The following POPDC2 variants were observed in gnomAD, a reference collection of about 807,000 sequenced individuals.
The protein encoded by POPDC2 is popeye domain cAMP effector 2.
POPDC2 carries 24 observed loss-of-function variants against 30.5 expected under a neutral mutation model. The ratio of observed to expected loss-of-function variants is 0.79; its 90% CI spans 0.57 to 1.11. The LOEUF is 1.11. Ranked by LOEUF, POPDC2 falls within the 50% of genes least tolerant of loss-of-function variation. The probability of loss-of-function intolerance (pLI) is 0.00; values close to 1 mark genes in which losing one functional copy is unlikely to be tolerated. For synonymous variants in POPDC2, 185 were observed against 183.3 expected (o/e 1.01, Z -0.07); for missense variants, 409 against 447.0 (o/e 0.91, Z 0.77).
At position 119,648,790 on chromosome 3, in the gene POPDC2, T is replaced by C. The variant is rs139403292; in HGVS notation, c.601-122A>G. On this transcript the variant is annotated intron_variant, in intron 2 of 3. Transcript: ENST00000493094. The stretch of plus-strand genomic sequence containing the variant: ...TTTTACTGAAGAAGCTGTGTGGGAG[T>C]ACCCCTCTATGGCCTTGCCTGGAGG... The C allele has an allele frequency of 8.3e-4, 700 of 840,576 alleles. 3 individuals are homozygous for C. In the African/African-American group the frequency reaches 0.011, roughly 13 times the overall value. 52.1% of individuals were successfully genotyped at this position (840,576 alleles called of 1,614,324 possible).
At chr3:119,650,062 A>C (rs146548213) in intron 2 of POPDC2, among the ~76,000 whole-genome samples, 114 of 152,378 alleles carry the variant, frequency 7.5e-4, no homozygotes, top group Non-Finnish European at 1.2e-3. Context: ...ATAGTTCAGC[A>C]AGTAGTTGTC....
At chr3:119,648,970 T>C (rs2052780065) in intron 2 of POPDC2, among the ~76,000 whole-genome samples, 1 of 152,250 alleles carries the variant, frequency 6.6e-6, no homozygotes, top group African/African-American at 2.4e-5. Flanking sequence ...GTTCCGTGGC[T>C]AATGCCACTA....
intron 1 of POPDC2, among the ~76,000 whole-genome samples, chr3:119,658,352 AG>A (rs2052901738): frequency 1.3e-5 from 2 of 152,252 alleles, no homozygotes; most frequent in African/African-American, 4.8e-5. Flanking sequence ...TAAGTATACC[AG>A]GAAAAGCTAC....
In POPDC2 at chr3:119,648,438, A is replaced by G. The variant is rs2052769198; in HGVS notation, c.831T>C (p.Asp277=). 6.2e-7 allele frequency: 1 copy of G among 1,614,052 alleles called. No individual in the cohort carries two copies. Among genetic ancestry groups the G allele is most frequent in the Non-Finnish European group, 8.5e-7 (1 of 1,180,038 alleles). Residue 277 remains aspartate (D), a synonymous_variant, in exon 3 of 4, where the codon GAT becomes GAC. Transcript: ENST00000493094. ...LYHVLGPTAA[D]AGPESEKGDE... ...CACCCTTCTCGGACTCTGGTCCAGC[A>G]TCTGCAGCAGTGGGACCCAGGACAT...
intron 2 of POPDC2, among the ~76,000 whole-genome samples, chr3:119,650,778 C>T (rs2052799072): frequency 6.6e-6 from 1 of 152,242 alleles, no homozygotes; most frequent in African/African-American, 2.4e-5. Flanking sequence ...AAATTTATGT[C>T]TCAGGCCCAG....
intron 1 of POPDC2, among the ~76,000 whole-genome samples, chr3:119,655,306 A>G (rs776942515): frequency 9.2e-5 from 14 of 152,206 alleles, no homozygotes; most frequent in Non-Finnish European, 2.1e-4. Context: ...CAGCCTGGGC[A>G]AAAGAGCAAG....
In POPDC2 at chr3:119,660,482, G is replaced by A; in HGVS notation, c.-59C>T. The A allele has an allele frequency of 6.5e-7, 1 of 1,531,378 alleles. No homozygotes were observed. The highest frequency in any genetic ancestry group is 2.0e-5 in the Admixed American group (1 of 50,544). 94.9% of individuals were successfully genotyped at this position (1,531,378 alleles called of 1,614,324 possible). ...ATACTGTCCTCACATAGGAAATTCA[G>A]AAAATGAATGAATCCATCCGCTCAG... On this transcript the variant is annotated 5_prime_UTR_variant, in exon 1 of 4. Transcript: ENST00000493094.
intron 1 of POPDC2, among the ~76,000 whole-genome samples, chr3:119,656,779 G>A (rs1368211900): frequency 6.6e-6 from 1 of 152,208 alleles, no homozygotes; most frequent in Admixed American, 6.5e-5. Flanking sequence ...AAAGGGGGAA[G>A]ATGAAAAAGA....
Position 119,648,058 on chromosome 3 carries a change from C to A in POPDC2, c.*43+61G>T, listed in dbSNP as rs562899048. 177 of 1,327,208 alleles carry A rather than the reference C, an allele frequency of 1.3e-4. 2 individuals carry two copies. In the South Asian group the frequency reaches 2.7e-3, roughly 20 times the overall value. 82.2% of individuals were successfully genotyped at this position (1,327,208 alleles called of 1,614,324 possible). On this transcript the variant is annotated intron_variant, in intron 3 of 3. Coordinates refer to ENST00000493094, the MANE Select transcript of POPDC2 (RefSeq NM_001369919.2). Reference sequence around the variant, plus strand: ...CCACGAATGATTTTTTTTGCCCTAACAAGCTGAGTTAAGGCCAGCCATTGA... The same window carrying A: ...CCACGAATGATTTTTTTTGCCCTAAAAAGCTGAGTTAAGGCCAGCCATTGA...
At chr3:119,653,781 A>G (rs577398117) in intron 2 of POPDC2, among the ~76,000 whole-genome samples, 1 of 152,158 alleles carries the variant, frequency 6.6e-6, no homozygotes, top group South Asian at 2.1e-4. Context: ...CCGGCAAGCA[A>G]TTCTTTACTG....
chr3:119,643,893 TATTCA>T (rs540945297), intron 3 of POPDC2, among the ~76,000 whole-genome samples: 62 of 152,366 alleles, frequency 4.1e-4, no homozygotes, highest in African/African-American at 1.4e-3. Context: ...ACTTTCAGCC[TATTCA>T]ATTCAATTTC....
At position 119,648,676 on chromosome 3, in the gene POPDC2, G is replaced by T; in HGVS notation, c.601-8C>A. ...CTCAGCAGTCAGAGTGACCTGAGAGGGGTCAGAAGCAGACAATAAAAGTTT... is the reference window on the plus strand; with the variant it reads ...CTCAGCAGTCAGAGTGACCTGAGAGTGGTCAGAAGCAGACAATAAAAGTTT... On this transcript the variant is annotated splice_region_variant and splice_polypyrimidine_tract_variant and intron_variant, in intron 2 of 3. Coordinates refer to ENST00000493094, the MANE Select transcript of POPDC2 (RefSeq NM_001369919.2). The T allele has an allele frequency of 6.2e-7, 1 of 1,606,232 alleles. No individual in the cohort carries two copies. Among genetic ancestry groups the T allele is most frequent in the Non-Finnish European group, 8.5e-7 (1 of 1,175,942 alleles).
intron 3 of POPDC2, among the ~76,000 whole-genome samples, chr3:119,643,634 G>A (rs1408525918): frequency 1.3e-5 from 2 of 152,184 alleles, no homozygotes; most frequent in African/African-American, 2.4e-5. Context: ...GTCCTGTCCT[G>A]CAGATGAGGA....
At chr3:119,652,304 A>T (rs1188430384) in intron 2 of POPDC2, among the ~76,000 whole-genome samples, 4 of 152,188 alleles carry the variant, frequency 2.6e-5, no homozygotes, top group Non-Finnish European at 5.9e-5. Flanking sequence ...ATTAGGTACA[A>T]TGTGAATTAT....
chr3:119,653,248 C>A (rs993401990), intron 2 of POPDC2, among the ~76,000 whole-genome samples: 1 of 152,174 alleles, frequency 6.6e-6, no homozygotes, highest in Non-Finnish European at 1.5e-5. Context: ...TCATATTCAA[C>A]CCATAGAGTT....
intron 1 of POPDC2, among the ~76,000 whole-genome samples, chr3:119,656,754 G>A (rs2052883945): frequency 6.6e-6 from 1 of 152,180 alleles, no homozygotes. Context: ...GGCAATAGGG[G>A]TGCCTCTATT....
intron 1 of POPDC2, among the ~76,000 whole-genome samples, chr3:119,656,938 G>C (rs2052886327): frequency 6.6e-6 from 1 of 152,168 alleles, no homozygotes; most frequent in Non-Finnish European, 1.5e-5. Context: ...TTGTCTTTGA[G>C]GATTTCACAA....
intron 2 of POPDC2, among the ~76,000 whole-genome samples, chr3:119,651,581 A>C (rs2052810456): frequency 6.6e-6 from 1 of 152,164 alleles, no homozygotes; most frequent in South Asian, 2.1e-4. Context: ...AAATGAATCA[A>C]GGGAAGACAG....
rs1412389071 is a variant in POPDC2 at position 119,660,067 on chromosome 3, C to T, written c.357G>A (p.Leu119=). The change falls in exon 1 of 4, where the codon TTG becomes TTA. Residue 119 remains leucine (L), a synonymous_variant. Coordinates refer to ENST00000493094, the MANE Select transcript of POPDC2 (RefSeq NM_001369919.2). ...DLLYKTLCLP[L]QVPLQTYKEI... is the part of the protein sequence containing the mutation. Reference sequence around the variant, plus strand: ...CCTTGTATGTCTGTAGGGGCACCTGCAAGGGCAGGCACAGCGTCTTGTAGA... The same window carrying T: ...CCTTGTATGTCTGTAGGGGCACCTGTAAGGGCAGGCACAGCGTCTTGTAGA... 3.1e-5 allele frequency: 50 copies of T among 1,614,102 alleles called. No individual in the cohort carries two copies. The Admixed American group carries it at 8.2e-4, about 26-fold the overall frequency.
Sources: gnomAD v4.1 joint callset for allele counts (sites outside exome capture counted in the v4.1 genomes callset) on GRCh38, gnomAD v4.1.1 for gene constraint, MANE v1.5 for transcripts, NCBI Gene and HGNC (gene_info 2026-07-23, HGNC 2026-07-21) for gene names.